The following BTBD18 variants were observed in gnomAD, a reference collection of about 807,000 sequenced individuals.
BTBD18 encodes BTB domain containing 18.
For missense variants in BTBD18, 787 were observed against 846.3 expected, an observed-to-expected ratio of 0.93 and a Z score of 0.87; for synonymous variants, 311 against 324.4, an observed-to-expected ratio of 0.96 and a Z score of 0.44.
At chr11:57,750,509 A>G (rs890303149) in intron 2 of BTBD18, among the ~76,000 whole-genome samples, 4 of 152,266 alleles carry the variant, frequency 2.6e-5, no homozygotes, top group Admixed American at 1.3e-4. Context: ...CAGCCTGGCC[A>G]TCATGGCAAA....
intron 2 of BTBD18, 124 bp downstream of exon 2, chr11:57,750,941 C>A: frequency 2.8e-6 from 2 of 720,064 alleles, no homozygotes; most frequent in Non-Finnish European, 4.0e-6. Flanking sequence ...AGCCCTTTAC[C>A]AAATAGTTTA....
upstream of BTBD18, among the ~76,000 whole-genome samples, chr11:57,752,800 T>C (rs1949340666): frequency 6.6e-6 from 1 of 152,172 alleles, no homozygotes; most frequent in Admixed American, 6.5e-5. Context: ...CACCTCCCCA[T>C]CCAGAAGCAA....
chr11:57,752,020 G>A (rs1949321689), upstream of BTBD18, among the ~76,000 whole-genome samples: 1 of 152,124 alleles, frequency 6.6e-6, no homozygotes. Flanking sequence ...TAATTACCAG[G>A]CTAACAATGC....
intron 2 of BTBD18, among the ~76,000 whole-genome samples, chr11:57,746,911 T>G (rs949543979): frequency 3.3e-5 from 5 of 152,134 alleles, no homozygotes; most frequent in African/African-American, 1.2e-4. Flanking sequence ...CTATCTGTAT[T>G]GTAATTATCC....
chr11:57,744,233 C>T lies in BTBD18; in HGVS notation c.2040G>A (p.Val680=), dbSNP rs776796813. ...ASSEEEEIDV[V]DWTAEGRLVP... ...CCAGCCTCCCCTCTGCTGTCCAGTC[C>T]ACCACATCAATCTCTTCCTCTTCAG... Residue 680 remains valine (V), a synonymous_variant, in exon 3 of 3, where the codon GTG becomes GTA. Coordinates refer to ENST00000422652, the MANE Select transcript of BTBD18 (RefSeq NM_001145101.3). 2.2e-4 allele frequency: 336 copies of T among 1,551,582 alleles called. No individual in the cohort carries two copies. The highest frequency in any genetic ancestry group is 2.7e-4 in the Non-Finnish European group (313 of 1,146,996).
chr11:57,747,361 C>T (rs889798579), intron 2 of BTBD18, among the ~76,000 whole-genome samples: 22 of 152,302 alleles, frequency 1.4e-4, no homozygotes, highest in African/African-American at 5.3e-4. Flanking sequence ...AGAAAATGAA[C>T]TTATTCCCCA....
At chr11:57,747,028 G>A (rs183318823) in intron 2 of BTBD18, among the ~76,000 whole-genome samples, 2 of 152,286 alleles carry the variant, frequency 1.3e-5, no homozygotes, top group East Asian at 1.9e-4. Flanking sequence ...CATTCTTGCT[G>A]AATTTAATTT....
rs1208277293 is a variant in BTBD18, at chr11:57,744,001, A to G, written c.*133T>C. The G allele has an allele frequency of 6.4e-6, 4 of 621,978 alleles. No individual in the cohort carries two copies. Among genetic ancestry groups the G allele is most frequent in the Non-Finnish European group, 1.1e-5 (4 of 358,834 alleles). 38.5% of individuals were successfully genotyped at this position (621,978 alleles called of 1,614,324 possible). ...GCTTCTGAGGCTTAGGGAAGGGAGG[A>G]AGGGACCTACAAAGAGCCAGGGTAC... On this transcript the variant is annotated 3_prime_UTR_variant, in exon 3 of 3. Transcript: ENST00000422652.
chr11:57,746,196 C>A, intron 2 of BTBD18, 48 bp from the exon 3 acceptor site: 1 of 1,430,004 alleles, frequency 7.0e-7, no homozygotes, highest in South Asian at 1.4e-5. Flanking sequence ...CTGGCATGTT[C>A]ATGGGCTAAG....
rs1347884804 is a variant in BTBD18 at position 57,744,328 on chromosome 11, A to G, written c.1945T>C (p.Tyr649His). 2.6e-6 allele frequency: 4 copies of G among 1,551,534 alleles called. No homozygotes were observed. Among genetic ancestry groups the G allele is most frequent in the African/African-American group, 2.7e-5 (2 of 73,050 alleles). ...TCCTTGCCTGCCTTGGGAGAAGGGTATAATAACTCATCTGTAGTCAAGGAG... is the reference window on the plus strand; with the variant it reads ...TCCTTGCCTGCCTTGGGAGAAGGGTGTAATAACTCATCTGTAGTCAAGGAG... ...EVSLTTDELL[Y>H]PSPKAGKEVS... Residue 649 changes from tyrosine to histidine, a missense_variant, in exon 3 of 3, where the codon TAC becomes CAC. Physicochemically the swap from Tyr to His is moderately conservative, Grantham distance 83. Transcript: ENST00000422652.
rs1201635830 is a variant in BTBD18 at position 57,744,445 on chromosome 11, G to A, written c.1828C>T (p.Leu610Phe). The change falls in exon 3 of 3, where the codon CTT (leucine) becomes TTT (phenylalanine). Residue 610 changes from leucine (L) to phenylalanine (F), a missense_variant. Leu to Phe is a conservative substitution (Grantham distance 22). Coordinates refer to ENST00000422652, the MANE Select transcript of BTBD18 (RefSeq NM_001145101.3). ...SQPLDGQEDKLLHVSSLDTPQ... is the reference protein window; with the variant it reads ...SQPLDGQEDKFLHVSSLDTPQ... ...GTATCAAGGGAGCTGACATGGAGAAGTTTGTCTTCCTGACCATCCAGTGGC... is the reference window on the plus strand; with the variant it reads ...GTATCAAGGGAGCTGACATGGAGAAATTTGTCTTCCTGACCATCCAGTGGC... 6.4e-7 allele frequency: 1 copy of A among 1,551,686 alleles called. No homozygotes were observed. Among genetic ancestry groups the A allele is most frequent in the Admixed American group, 2.0e-5 (1 of 51,002 alleles).
At position 57,745,386 on chromosome 11, in the gene BTBD18, C is replaced by T. The variant is rs749346935; in HGVS notation, c.887G>A (p.Arg296His). The change falls in exon 3 of 3, where the codon CGT becomes CAT. Residue 296 changes from arginine to histidine, a missense_variant. Coordinates refer to ENST00000422652, the MANE Select transcript of BTBD18 (RefSeq NM_001145101.3). ...ATTTACACTCCTCTGCCGCCAAAGA[C>T]GCCGGCCAGGGGTTGCAGGCACTGA... ...SSSVPATPGR[R>H]LWRQRSVNKE... The T allele has an allele frequency of 2.4e-5, 38 of 1,551,580 alleles. 1 individual carries two copies. The highest frequency in any genetic ancestry group is 4.8e-5 in the South Asian group (4 of 84,064).
At chr11:57,753,043 G>A (rs543523851), upstream of BTBD18, among the ~76,000 whole-genome samples, 11 of 152,390 alleles carry the variant, frequency 7.2e-5, no homozygotes, top group East Asian at 1.9e-3. Flanking sequence ...TATCCCTGCG[G>A]GCTTCAGCAC....
Position 57,746,126 on chromosome 11 carries a change from G to A in BTBD18, c.147C>T (p.Cys49=). The A allele has an allele frequency of 6.5e-7, 1 of 1,548,216 alleles. No homozygotes were observed. The highest frequency in any genetic ancestry group is 1.2e-5 in the South Asian group (1 of 83,668). The part of the protein sequence containing the change: ...QAEGEAVPAH[C]CILSACSPFF... ...AGGGGCTACAAGCTGACAGGATGCA[G>A]CAGTGAGCTGGAACTGCCTCACCTG... Residue 49 remains cysteine, a synonymous_variant, in exon 3 of 3, where the codon TGC becomes TGT. Transcript: ENST00000422652.
chr11:57,749,128 T>A (rs1198819262), intron 2 of BTBD18, among the ~76,000 whole-genome samples: 2 of 152,176 alleles, frequency 1.3e-5, no homozygotes, highest in Non-Finnish European at 2.9e-5. Context: ...GTGAAGGATG[T>A]TTCTTTTTTA....
upstream of BTBD18, among the ~76,000 whole-genome samples, chr11:57,752,496 G>A (rs1949333224): frequency 6.6e-6 from 1 of 151,512 alleles, no homozygotes; most frequent in Non-Finnish European, 1.5e-5. Flanking sequence ...CTGCACTCCA[G>A]CCTGGGCGAC....
chr11:57,747,502 T>TTTTTGG (rs1224444386), intron 2 of BTBD18, among the ~76,000 whole-genome samples: 1 of 152,018 alleles, frequency 6.6e-6, no homozygotes, highest in Non-Finnish European at 1.5e-5. Flanking sequence ...AGTATCAGGG[T>TTTTTGG]TTTTTGTTTT....
At position 57,744,349 on chromosome 11, in the gene BTBD18, A is replaced by C; in HGVS notation, c.1924T>G (p.Leu642Val). ...NWVETGLEVS[L>V]TTDELLYPSP... is the part of the protein sequence containing the mutation. ...GGGTATAATAACTCATCTGTAGTCA[A>C]GGAGACTTCCAGCCCAGTCTCCACC... Residue 642 changes from leucine to valine, a missense_variant, in exon 3 of 3, where the codon TTG becomes GTG. By Grantham distance (32) the Leu-to-Val change is conservative. Coordinates refer to ENST00000422652, the MANE Select transcript of BTBD18 (RefSeq NM_001145101.3). The C allele has an allele frequency of 6.4e-7, 1 of 1,551,644 alleles. No homozygotes were observed. Among genetic ancestry groups the C allele is most frequent in the African/African-American group, 1.4e-5 (1 of 73,176 alleles).
rs565850042 is a variant in BTBD18 at position 57,744,292 on chromosome 11, G to C, written c.1981C>G (p.His661Asp). The C allele has an allele frequency of 1.9e-6, 3 of 1,551,676 alleles. No individual in the cohort carries two copies. The highest frequency in any genetic ancestry group is 3.9e-5 in the Admixed American group (2 of 50,998). The change falls in exon 3 of 3, where the codon CAC becomes GAC. Residue 661 changes from histidine (H) to aspartate (D), a missense_variant. Transcript: ENST00000422652. The stretch of plus-strand genomic sequence containing the variant: ...GGAAGTGAGCCTAGTAGTTCAGAGT[G>C]ACCAGATACCTCCTTGCCTGCCTTG... ...SPKAGKEVSGHSELLGSLPAS... is the reference protein window; with the variant it reads ...SPKAGKEVSGDSELLGSLPAS...
Sources: gnomAD v4.1 joint callset for allele counts (sites outside exome capture counted in the v4.1 genomes callset) on GRCh38, gnomAD v4.1.1 for gene constraint, MANE v1.5 for transcripts, NCBI Gene and HGNC (gene_info 2026-07-23, HGNC 2026-07-21) for gene names.